RXRA: variants seen among roughly 807,000 people sequenced by gnomAD.
RXRA encodes retinoid X receptor alpha.
RXRA carries 5 observed loss-of-function variants against 44.5 expected under a neutral mutation model. The ratio of observed to expected loss-of-function variants is 0.11; its 90% CI spans 0.06 to 0.24. RXRA has a LOEUF of 0.24. RXRA is among the 10% of genes least tolerant of loss of function. RXRA has a pLI of 1.00. For missense variants in RXRA, 412 were observed against 646.5 expected (o/e 0.64, Z 3.93); for synonymous variants, 291 against 271.4 (o/e 1.07, Z -0.71).
intron 1 of RXRA, among the ~76,000 whole-genome samples, chr9:134,364,685 C>T (rs1444815568): frequency 6.6e-6 from 1 of 152,206 alleles, no homozygotes; most frequent in East Asian, 1.9e-4. Context: ...GCTCCCCACA[C>T]CCCCTAAGCT....
At chr9:134,388,250 G>A (rs947756154) in intron 1 of RXRA, among the ~76,000 whole-genome samples, 5 of 130,636 alleles carry the variant, frequency 3.8e-5, no homozygotes, top group African/African-American at 1.2e-4. Flanking sequence ...CGTCAGGGTT[G>A]GGGGATGTCT....
At chr9:134,436,066 G>A (rs1342598545) in intron 9 of RXRA, among the ~76,000 whole-genome samples, 1 of 152,146 alleles carries the variant, frequency 6.6e-6, no homozygotes, top group African/African-American at 2.4e-5. Flanking sequence ...GGCTGGTCTC[G>A]AACTCCTGGC....
At chr9:134,423,866 G>C (rs1190743870) in intron 6 of RXRA, 2 of 985,308 alleles carry the variant, frequency 2.0e-6, no homozygotes, top group South Asian at 4.7e-5. Context: ...GAGAGAGGGC[G>C]GTGCTCCCAC....
intron 1 of RXRA, among the ~76,000 whole-genome samples, chr9:134,336,045 A>C (rs1554747250): frequency 6.6e-6 from 1 of 151,858 alleles, no homozygotes; most frequent in African/African-American, 2.4e-5. Context: ...AGCTGCCCCT[A>C]CCCCACCCCT....
intron 2 of RXRA, 26 bp downstream of exon 2, chr9:134,401,908 A>G: frequency 7.9e-7 from 1 of 1,271,232 alleles, no homozygotes. Flanking sequence ...GGGCAAGGGG[A>G]GGGGGTGGGG....
intron 1 of RXRA, chr9:134,379,829 C>T (rs1023392509): frequency 3.0e-6 from 3 of 985,346 alleles, no homozygotes; most frequent in Non-Finnish European, 3.6e-6. Context: ...AACCCTGGGG[C>T]CTTGTGTGGG....
chr9:134,346,656 C>T (rs1014986824), intron 1 of RXRA, among the ~76,000 whole-genome samples: 11 of 152,220 alleles, frequency 7.2e-5, no homozygotes, highest in Non-Finnish European at 1.3e-4. Context: ...AAGCGTGTGT[C>T]TGGGTGCTGT....
chr9:134,408,211 T>C lies in RXRA; in HGVS notation c.342T>C (p.Asn114=). 1 of 1,610,856 alleles carries C rather than the reference T, an allele frequency of 6.2e-7. No homozygotes were observed. Among genetic ancestry groups the C allele is most frequent in the Non-Finnish European group, 8.5e-7 (1 of 1,178,744 alleles). ...ACATCAAGCCCCCCCTGGGCCTCAATGGCGTCCTCAAGGTCCCCGCCCACC... is the reference window on the plus strand; with the variant it reads ...ACATCAAGCCCCCCCTGGGCCTCAACGGCGTCCTCAAGGTCCCCGCCCACC... ...SEDIKPPLGL[N]GVLKVPAHPS... The change falls in exon 3 of 10, where the codon AAT becomes AAC. Residue 114 remains asparagine, a synonymous_variant. Transcript: ENST00000481739.
At chr9:134,362,697 T>C (rs1830366894) in intron 1 of RXRA, among the ~76,000 whole-genome samples, 1 of 152,182 alleles carries the variant, frequency 6.6e-6, no homozygotes, top group African/African-American at 2.4e-5. Context: ...CACTGCCGTC[T>C]TAGCTGGTGA....
chr9:134,390,628 T>C (rs1041620169), intron 1 of RXRA, among the ~76,000 whole-genome samples: 1 of 152,210 alleles, frequency 6.6e-6, no homozygotes. Context: ...CAACTCTGGG[T>C]GCAGTTGAGC....
At chr9:134,424,655 C>G (rs139115177) in intron 6 of RXRA, 1 of 985,350 alleles carries the variant, frequency 1.0e-6, no homozygotes, top group East Asian at 1.1e-4. Flanking sequence ...GTAAGGTCCA[C>G]TGAAGCACAC....
chr9:134,397,716 G>T (rs1447536899), intron 1 of RXRA, among the ~76,000 whole-genome samples: 1 of 152,210 alleles, frequency 6.6e-6, no homozygotes, highest in African/African-American at 2.4e-5. Flanking sequence ...GGCACGGTGG[G>T]TGTAAGGGGT....
At chr9:134,353,584 C>T (rs1830247707) in intron 1 of RXRA, among the ~76,000 whole-genome samples, 1 of 152,242 alleles carries the variant, frequency 6.6e-6, no homozygotes, top group African/African-American at 2.4e-5. Context: ...TCCACGAGCC[C>T]CTGTACCTCC....
At chr9:134,395,745 G>T (rs1261318560) in intron 1 of RXRA, among the ~76,000 whole-genome samples, 1 of 152,270 alleles carries the variant, frequency 6.6e-6, no homozygotes, top group African/African-American at 2.4e-5. Flanking sequence ...CTGCTTTGGG[G>T]CCCTCAGGCT....
chr9:134,439,264 A>G lies in RXRA; in HGVS notation c.*2650A>G, dbSNP rs9930. 1 of 145,746 alleles carries G rather than the reference A, an allele frequency of 6.9e-6. No individual in the cohort carries two copies. 9.0% of individuals were successfully genotyped at this position (145,746 alleles called of 1,614,324 possible). ...GAAGCGGCTTCCCCGCAGGGCCCCCACTTCCCAGTGGCTGCTTCCTGGGGA... is the reference window on the plus strand; with the variant it reads ...GAAGCGGCTTCCCCGCAGGGCCCCCGCTTCCCAGTGGCTGCTTCCTGGGGA... On this transcript the variant is annotated 3_prime_UTR_variant, in exon 10 of 10. Coordinates refer to ENST00000481739, the MANE Select transcript of RXRA (RefSeq NM_002957.6).
intron 1 of RXRA, among the ~76,000 whole-genome samples, chr9:134,327,164 C>T (rs1554746140): frequency 6.6e-6 from 1 of 152,108 alleles, no homozygotes; most frequent in Non-Finnish European, 1.5e-5. Flanking sequence ...CAGACTGGGA[C>T]CCTGTTATCC....
intron 1 of RXRA, among the ~76,000 whole-genome samples, chr9:134,363,548 T>C (rs890073023): frequency 6.6e-6 from 1 of 152,236 alleles, no homozygotes. Context: ...CTGTCCTGTT[T>C]CTGGGATGGG....
intron 1 of RXRA, among the ~76,000 whole-genome samples, chr9:134,381,787 C>T (rs1297966554): frequency 6.6e-6 from 1 of 152,104 alleles, no homozygotes; most frequent in African/African-American, 2.4e-5. Flanking sequence ...GCAAATTAGC[C>T]CCGACCTCCC....
chr9:134,371,290 C>T (rs1442758094), intron 1 of RXRA, among the ~76,000 whole-genome samples: 1 of 152,178 alleles, frequency 6.6e-6, no homozygotes, highest in Non-Finnish European at 1.5e-5. Context: ...CCTCTGTGTC[C>T]TTTGCCGTGA....
Sources: gnomAD v4.1 joint callset for allele counts (sites outside exome capture counted in the v4.1 genomes callset) on GRCh38, gnomAD v4.1.1 for gene constraint, MANE v1.5 for transcripts, NCBI Gene and HGNC (gene_info 2026-07-23, HGNC 2026-07-21) for gene names.